PRR14L: variants seen among roughly 807,000 people sequenced by gnomAD.
The protein encoded by PRR14L is protein PRR14L.
In PRR14L, 80 loss-of-function variants were observed where a neutral mutation model predicts 155.0. That is an observed-to-expected ratio of 0.52 (90% CI 0.43 to 0.62). The LOEUF (loss-of-function observed/expected upper bound fraction) is 0.62. Among genes scored for constraint, PRR14L ranks in the 20% least tolerant of loss-of-function variants. The pLI, the probability that PRR14L is intolerant of heterozygous loss-of-function variation, is 0.00. For synonymous variants in PRR14L, 883 were observed against 916.0 expected (o/e 0.96, Z 0.65); for missense variants, 2,469 against 2,548.0 (o/e 0.97, Z 0.67).
chr22:31,699,618 T>C (rs897023978), intron 7 of PRR14L, among the ~76,000 whole-genome samples: 2 of 152,250 alleles, frequency 1.3e-5, no homozygotes, highest in Non-Finnish European at 2.9e-5. Context: ...ACCTGCATTA[T>C]TAAAATGGAT....
At position 31,712,122 on chromosome 22, in the gene PRR14L, G is replaced by T. The variant is rs2074626335; in HGVS notation, c.5717C>A (p.Pro1906His). Residue 1906 changes from proline (P) to histidine (H), a missense_variant, in exon 4 of 9, where the codon CCT becomes CAT. Physicochemically the swap from Pro to His is moderately conservative, Grantham distance 77. Transcript: ENST00000327423. ...CSFEISSLHS[P>H]HCKRQPSLGT... ...CAGACTTGGTTGCCGCTTGCAGTGA[G>T]GGGAATGAAGAGAAGAGATTTCGAA... 1 of 1,613,768 alleles carries T rather than the reference G, an allele frequency of 6.2e-7. No homozygotes were observed. The highest frequency in any genetic ancestry group is 8.5e-7 in the Non-Finnish European group (1 of 1,179,896).
chr22:31,711,386 G>T (rs562093046), intron 4 of PRR14L, among the ~76,000 whole-genome samples: 1 of 152,184 alleles, frequency 6.6e-6, no homozygotes, highest in Non-Finnish European at 1.5e-5. Flanking sequence ...CAGGAGAACC[G>T]CTTGAATCCG....
At chr22:31,703,922 C>T (rs1211739044) in intron 5 of PRR14L, among the ~76,000 whole-genome samples, 1 of 151,868 alleles carries the variant, frequency 6.6e-6, no homozygotes, top group Non-Finnish European at 1.5e-5. Flanking sequence ...CTCAGCCCCT[C>T]GAGTAGCTGA....
chr22:31,743,169 G>A (rs937215051), intron 1 of PRR14L, among the ~76,000 whole-genome samples: 1 of 152,144 alleles, frequency 6.6e-6, no homozygotes, highest in African/African-American at 2.4e-5. Flanking sequence ...GGGCATGGTG[G>A]CACGCGCCTG....
rs2074663845 is a variant in PRR14L at position 31,716,948 on chromosome 22, T to C, written c.891A>G (p.Glu297=). The C allele has an allele frequency of 6.4e-7, 1 of 1,551,904 alleles. No individual in the cohort carries two copies. The highest frequency in any genetic ancestry group is 8.7e-7 in the Non-Finnish European group (1 of 1,147,058). The change falls in exon 4 of 9, where the codon GAA becomes GAG. Residue 297 remains glutamate (E), a synonymous_variant. Transcript: ENST00000327423. ...AGACCAGGTTTGGTTTACACAACTC[T>C]TCCTTCCCATTGTCCACATTAGAAA... ...SAISNVDNGK[E]ELCKPNLVCE...
Position 31,683,380 on chromosome 22 carries a change from T to C in PRR14L, c.*2147A>G, listed in dbSNP as rs1351956146. ...CACTGCTAGTCTGCAACCTGTCCAG[T>C]AGGAGCTCCTTAAACATGCCTGGAC... On this transcript the variant is annotated 3_prime_UTR_variant, in exon 9 of 9. Coordinates refer to ENST00000327423, the MANE Select transcript of PRR14L (RefSeq NM_173566.3). The C allele has an allele frequency of 1.3e-5, 2 of 152,216 alleles. No homozygotes were observed. Among genetic ancestry groups the C allele is most frequent in the Admixed American group, 6.6e-5 (1 of 15,264 alleles). The allele number at this position is 152,216 out of a possible 1,614,324, so 9.4% of individuals were successfully genotyped here. A position where few individuals can be genotyped will look rare whatever the true frequency, so the allele number is the denominator to read the frequency against.
intron 6 of PRR14L, 34 bp from the exon 7 acceptor site, chr22:31,701,796 G>T: frequency 6.7e-7 from 1 of 1,487,036 alleles, no homozygotes; most frequent in Non-Finnish European, 9.3e-7. Flanking sequence ...AGATGGTCAA[G>T]CTGTAAGACA....
chr22:31,696,819 G>A (rs750943643), intron 7 of PRR14L, among the ~76,000 whole-genome samples: 55 of 152,062 alleles, frequency 3.6e-4, no homozygotes, highest in Non-Finnish European at 7.4e-4. Flanking sequence ...TGCCTTTAGA[G>A]ATTGGGTATT....
At chr22:31,740,283 A>C (rs1282450730) in intron 1 of PRR14L, among the ~76,000 whole-genome samples, 1 of 151,912 alleles carries the variant, frequency 6.6e-6, no homozygotes, top group East Asian at 1.9e-4. Flanking sequence ...GCAGTGGCAT[A>C]ATCTTGGCTC....
Position 31,713,029 on chromosome 22 carries a change from G to A in PRR14L, c.4810C>T (p.Leu1604=). The part of the protein sequence containing the change: ...MSTPCHPLRS[L]NFRKTTKESA... The stretch of plus-strand genomic sequence containing the variant: ...TCTTTGGTAGTCTTCCTAAAATTCA[G>A]GCTCCTCAAGGGATGGCACGGTGTA... Residue 1604 remains leucine (L), a synonymous_variant, in exon 4 of 9, where the codon CTG becomes TTG. Coordinates refer to ENST00000327423, the MANE Select transcript of PRR14L (RefSeq NM_173566.3). 1 of 1,552,218 alleles carries A rather than the reference G, an allele frequency of 6.4e-7. No individual in the cohort carries two copies. The highest frequency in any genetic ancestry group is 1.2e-5 in the South Asian group (1 of 84,058).
Position 31,739,373 on chromosome 22 carries a change from A to G in PRR14L, c.-51-462T>C, listed in dbSNP as rs187696942. On this transcript the variant is annotated intron_variant, in intron 1 of 8. Coordinates refer to ENST00000327423, the MANE Select transcript of PRR14L (RefSeq NM_173566.3). ...ATGAATATATACTGAGGAACTCTGG[A>G]AAATTTCATATACTGACTTTTCCTC... 2.6e-3 allele frequency among the ~76,000 whole-genome samples: 392 copies of G among 152,334 alleles called. 2 individuals carry two copies. Among genetic ancestry groups the G allele is most frequent in the African/African-American group, 8.1e-3 (336 of 41,572 alleles).
At chr22:31,728,694 C>T (rs1441438866) in intron 2 of PRR14L, among the ~76,000 whole-genome samples, 1 of 137,632 alleles carries the variant, frequency 7.3e-6, no homozygotes, top group African/African-American at 2.7e-5. Context: ...CCAGCCTGGG[C>T]GACAGAGTAG....
chr22:31,738,389 G>A lies in PRR14L; in HGVS notation c.472C>T (p.Gln158Ter), dbSNP rs1299136701. 3.2e-6 allele frequency: 5 copies of A among 1,550,936 alleles called. No individual in the cohort carries two copies. The highest frequency in any genetic ancestry group is 2.0e-5 in the Admixed American group (1 of 50,904). Residue 158 changes from glutamine (Q) to a stop codon, truncating the protein, a stop_gained and splice_region_variant, in exon 2 of 9, where the codon CAG (glutamine) becomes TAG (stop). Coordinates refer to ENST00000327423, the MANE Select transcript of PRR14L (RefSeq NM_173566.3). LOFTEE classifies it high-confidence loss of function. The part of the protein sequence containing the change: ...TAAEEKTSPS[Q>*]EDLLMQSSKE... ...GGAATGGAGATTTCATTTCTTACCT[G>A]ACTCGGGCTAGTCTTTTCTTCAGCA...
chr22:31,685,968 CTT>C (rs1405784194), intron 8 of PRR14L, among the ~76,000 whole-genome samples, 165 bp from the exon 9 acceptor site: 1 of 152,112 alleles, frequency 6.6e-6, no homozygotes, highest in Non-Finnish European at 1.5e-5. Context: ...GAATTTCACT[CTT>C]GTTGCCCAGG....
intron 7 of PRR14L, 68 bp downstream of exon 7, chr22:31,701,588 G>T: frequency 1.1e-6 from 1 of 918,406 alleles, no homozygotes; most frequent in Non-Finnish European, 1.7e-6. Context: ...CCATTTAAAG[G>T]GCAATTATAT....
chr22:31,706,537 G>A (rs971268481), intron 4 of PRR14L, among the ~76,000 whole-genome samples: 2 of 150,926 alleles, frequency 1.3e-5, no homozygotes, highest in Admixed American at 6.7e-5. Context: ...GAATTCTCCT[G>A]CCTCAGCCTC....
At chr22:31,729,535 A>G (rs112425519) in intron 2 of PRR14L, among the ~76,000 whole-genome samples, 1,923 of 152,206 alleles carry the variant, frequency 0.013, 30 homozygotes, top group South Asian at 0.037. Flanking sequence ...AGTTTTAATA[A>G]CTTTGGGACA....
chr22:31,740,377 G>A (rs1041067778), intron 1 of PRR14L, among the ~76,000 whole-genome samples: 1 of 152,134 alleles, frequency 6.6e-6, no homozygotes, highest in Non-Finnish European at 1.5e-5. Context: ...GTGCCACCAC[G>A]CCCAGCTAAT....
chr22:31,741,501 A>C (rs2074812972), intron 1 of PRR14L, among the ~76,000 whole-genome samples: 1 of 151,958 alleles, frequency 6.6e-6, no homozygotes, highest in Non-Finnish European at 1.5e-5. Context: ...AAAACAAAAC[A>C]TTACCAAGAG....
Sources: allele counts gnomAD v4.1 joint callset (sites outside exome capture counted in the v4.1 genomes callset), GRCh38; gene constraint gnomAD v4.1.1; transcripts MANE v1.5; gene names NCBI Gene and HGNC (gene_info 2026-07-23, HGNC 2026-07-21).